The following SBF2 variants were observed in gnomAD, a reference collection of about 807,000 sequenced individuals.
The protein encoded by SBF2 is myotubularin-related protein 13.
A neutral mutation model predicts 225.2 loss-of-function variants in SBF2; 112 were observed. The ratio of observed to expected loss-of-function variants is 0.50; its 90% CI spans 0.43 to 0.58. SBF2 has a LOEUF of 0.58. Among genes scored for constraint, SBF2 ranks in the 20% least tolerant of loss-of-function variants. The pLI is 0.00. For missense variants in SBF2, 1,996 were observed against 2,206.2 expected, an observed-to-expected ratio of 0.90 and a Z score of 1.91; for synonymous variants, 763 against 773.3, an observed-to-expected ratio of 0.99 and a Z score of 0.22.
chr11:10,124,733 G>A (rs1953658732), intron 2 of SBF2, among the ~76,000 whole-genome samples: 1 of 152,008 alleles, frequency 6.6e-6, no homozygotes, highest in Non-Finnish European at 1.5e-5. Context: ...CATTAACTGA[G>A]GAAGGTCATC....
At chr11:9,918,438 G>C (rs1863298708) in intron 16 of SBF2, among the ~76,000 whole-genome samples, 1 of 151,124 alleles carries the variant, frequency 6.6e-6, no homozygotes, top group African/African-American at 2.4e-5. Flanking sequence ...CTGCAGCCTT[G>C]AACCTCCCAG....
At chr11:9,792,939 G>GTT (rs34305025) in intron 33 of SBF2, among the ~76,000 whole-genome samples, 27 of 121,188 alleles carry the variant, frequency 2.2e-4, no homozygotes, top group African/African-American at 3.8e-4. Context: ...GTGTGTGTGT[G>GTT]TTTTTTTTTT....
In SBF2 at chr11:10,181,535, C is replaced by G. The variant is rs958530350; in HGVS notation, c.141+12367G>C. 1.2e-4 allele frequency among the ~76,000 whole-genome samples: 19 copies of G among 152,078 alleles called. 1 individual carries two copies. Among genetic ancestry groups the G allele is most frequent in the African/African-American group, 4.1e-4 (17 of 41,528 alleles). On this transcript the variant is annotated intron_variant, in intron 2 of 39. Coordinates refer to ENST00000256190, the MANE Select transcript of SBF2 (RefSeq NM_030962.4). ...ATCTTTAAGAGTTAGCCAGAATTAA[C>G]TGTTTAAAAAAGTACATTTTACTAA...
At chr11:9,794,734 GTTATACTT>G (rs1853009574) in intron 33 of SBF2, among the ~76,000 whole-genome samples, 2 of 126,892 alleles carry the variant, frequency 1.6e-5, no homozygotes, top group African/African-American at 2.9e-5. Context: ...GTTGTAACCA[GTTATACTT>G]ACTACCTTCC....
At chr11:9,812,834 G>A (rs1854265331) in intron 29 of SBF2, 126 bp from the exon 30 acceptor site, 3 of 861,696 alleles carry the variant, frequency 3.5e-6, no homozygotes, top group Admixed American at 4.0e-5. Flanking sequence ...CTGCCAATGG[G>A]TCAAGAAAGT....
intron 17 of SBF2, among the ~76,000 whole-genome samples, chr11:9,876,058 C>A (rs1859207380): frequency 6.6e-6 from 1 of 152,092 alleles, no homozygotes; most frequent in South Asian, 2.1e-4. Flanking sequence ...CTGAAGCCAG[C>A]ATCAGATGTT....
chr11:9,927,230 T>C (rs902259147), intron 16 of SBF2, among the ~76,000 whole-genome samples: 6 of 152,204 alleles, frequency 3.9e-5, no homozygotes, highest in African/African-American at 1.2e-4. Flanking sequence ...TACAAAATAA[T>C]TGAACTTGAA....
chr11:10,270,788 T>C (rs930672292), intron 1 of SBF2, among the ~76,000 whole-genome samples: 1 of 151,840 alleles, frequency 6.6e-6, no homozygotes, highest in Admixed American at 6.6e-5. Context: ...GATCAGGAGA[T>C]TGAGACCATT....
At chr11:10,088,429 C>T (rs1951661502) in intron 2 of SBF2, among the ~76,000 whole-genome samples, 1 of 152,092 alleles carries the variant, frequency 6.6e-6, no homozygotes, top group Admixed American at 6.5e-5. Context: ...TTTATTATTG[C>T]TATAAAGGAA....
At chr11:10,000,850 GACCCAAAGAA>G in intron 8 of SBF2, 54 bp downstream of exon 8, 1 of 838,922 alleles carries the variant, frequency 1.2e-6, no homozygotes, top group South Asian at 1.4e-5. Flanking sequence ...AATGTTATAG[GACCCAAAGAA>G]ATATGATAAA....
intron 6 of SBF2, among the ~76,000 whole-genome samples, chr11:10,022,876 C>T (rs1021400448): frequency 6.6e-6 from 1 of 152,080 alleles, no homozygotes; most frequent in Non-Finnish European, 1.5e-5. Context: ...TCTCTTGGTG[C>T]AGTTTAATGT....
At chr11:10,222,911 T>C (rs749251119) in intron 1 of SBF2, among the ~76,000 whole-genome samples, 1 of 152,172 alleles carries the variant, frequency 6.6e-6, no homozygotes, top group African/African-American at 2.4e-5. Flanking sequence ...TAATGTCCTT[T>C]AGGCAATAAA....
intron 38 of SBF2, 129 bp from the exon 39 acceptor site, chr11:9,781,767 A>C (rs544086812): frequency 9.4e-7 from 1 of 1,064,608 alleles, no homozygotes; most frequent in South Asian, 1.3e-5. Flanking sequence ...CGAAGAATAC[A>C]CAAAAAATTA....
At position 10,252,675 on chromosome 11, in the gene SBF2, T is replaced by C. The variant is rs1228578799; in HGVS notation, c.55+41340A>G. On this transcript the variant is annotated intron_variant, in intron 1 of 39. Transcript: ENST00000256190. ...AATACAAAAAATTAGCCGGGCATGGTGGCAGGCGCCTGTAGTCCCAGCTAC... is the reference window on the plus strand; with the variant it reads ...AATACAAAAAATTAGCCGGGCATGGCGGCAGGCGCCTGTAGTCCCAGCTAC... 3.3e-5 allele frequency among the ~76,000 whole-genome samples: 5 copies of C among 152,156 alleles called. No homozygotes were observed. The East Asian group carries it at 9.6e-4, about 29-fold the overall frequency.
At chr11:10,067,741 C>T (rs1234630794) in intron 2 of SBF2, among the ~76,000 whole-genome samples, 3 of 151,730 alleles carry the variant, frequency 2.0e-5, no homozygotes, top group Non-Finnish European at 4.4e-5. Flanking sequence ...TAAAAAATAA[C>T]GACAACCAAA....
At chr11:9,889,438 G>T (rs1860615364) in intron 17 of SBF2, among the ~76,000 whole-genome samples, 1 of 152,110 alleles carries the variant, frequency 6.6e-6, no homozygotes, top group African/African-American at 2.4e-5. Context: ...GAATGTATAA[G>T]CCAAAGTTAA....
chr11:10,202,135 CTTCT>C (rs1325241821), intron 1 of SBF2, among the ~76,000 whole-genome samples: 1 of 152,158 alleles, frequency 6.6e-6, no homozygotes, highest in Admixed American at 6.5e-5. Context: ...ATTAAAATGT[CTTCT>C]TTAACAGCAA....
At chr11:10,037,480 A>C (rs1226579063) in intron 3 of SBF2, among the ~76,000 whole-genome samples, 1 of 152,088 alleles carries the variant, frequency 6.6e-6, no homozygotes, top group Non-Finnish European at 1.5e-5. Context: ...AAAGAGTTGG[A>C]TTACCTGGGA....
intron 1 of SBF2, among the ~76,000 whole-genome samples, chr11:10,223,430 T>C (rs1024302545): frequency 1.5e-5 from 2 of 137,798 alleles, no homozygotes; most frequent in Non-Finnish European, 3.2e-5. Flanking sequence ...TATATATATA[T>C]ATATATATAT....
Sources: gnomAD v4.1 joint callset for allele counts (sites outside exome capture counted in the v4.1 genomes callset) on GRCh38, gnomAD v4.1.1 for gene constraint, MANE v1.5 for transcripts, NCBI Gene and HGNC (gene_info 2026-07-23, HGNC 2026-07-21) for gene names.